WDFY4: variants seen among roughly 807,000 people sequenced by gnomAD.
WDFY4 encodes WD repeat- and FYVE domain-containing protein 4.
A neutral mutation model predicts 351.9 loss-of-function variants in WDFY4; 169 were observed. The ratio of observed to expected loss-of-function variants is 0.48; its 90% CI spans 0.42 to 0.55. The LOEUF (loss-of-function observed/expected upper bound fraction) is 0.55, where lower values mean the gene tolerates loss of function less well. Among genes scored for constraint, WDFY4 ranks in the 20% least tolerant of loss-of-function variants. The pLI is 0.00. For missense variants in WDFY4, 3,803 were observed against 3,935.6 expected (o/e 0.97, Z 0.90); for synonymous variants, 1,622 against 1,574.6 (o/e 1.03, Z -0.71).
intron 59 of WDFY4, among the ~76,000 whole-genome samples, chr10:48,977,292 G>C (rs1676932412): frequency 6.6e-6 from 1 of 152,132 alleles, no homozygotes; most frequent in Non-Finnish European, 1.5e-5. Context: ...GCTAAAAGGA[G>C]ATATTTGCGT....
At chr10:48,831,425 AT>A (rs1341578404) in intron 38 of WDFY4, among the ~76,000 whole-genome samples, 2 of 152,180 alleles carry the variant, frequency 1.3e-5, no homozygotes, top group Non-Finnish European at 2.9e-5. Flanking sequence ...TGAATTTTTA[AT>A]TTTGTTTTCA....
intron 10 of WDFY4, among the ~76,000 whole-genome samples, chr10:48,734,558 A>G (rs974578779): frequency 2.0e-5 from 3 of 151,568 alleles, no homozygotes; most frequent in African/African-American, 7.3e-5. Context: ...ACATAGACAC[A>G]CCAACATCAT....
At chr10:48,981,613 C>A in intron 61 of WDFY4, 135 bp downstream of exon 61, 1 of 741,774 alleles carries the variant, frequency 1.3e-6, no homozygotes, top group Non-Finnish European at 2.2e-6. Context: ...CCACCAAGCA[C>A]AGGAAGCAGC....
intron 43 of WDFY4, among the ~76,000 whole-genome samples, chr10:48,882,255 C>T (rs1439919536): frequency 6.6e-6 from 1 of 152,192 alleles, no homozygotes; most frequent in Admixed American, 6.5e-5. Flanking sequence ...AGCAGGCTGC[C>T]ACAACACCAC....
At chr10:48,875,024 G>T in intron 41 of WDFY4, 65 bp from the exon 42 acceptor site, 1 of 1,009,950 alleles carries the variant, frequency 9.9e-7, no homozygotes. Flanking sequence ...TGTGGAATTG[G>T]AGGTGAGTGA....
chr10:48,786,824 A>C lies in WDFY4; in HGVS notation c.3762A>C (p.Lys1254Asn). 1 of 1,552,236 alleles carries C rather than the reference A, an allele frequency of 6.4e-7. No homozygotes were observed. Among genetic ancestry groups the C allele is most frequent in the Non-Finnish European group, 8.7e-7 (1 of 1,147,116 alleles). The change falls in exon 20 of 62, where the codon AAA becomes AAC. Residue 1254 changes from lysine to asparagine, a missense_variant. Transcript: ENST00000325239. Reference sequence around the variant, plus strand: ...TGGAAACTCTGGAAGTTATTAACAAACTTGGCCCAAGATATTGTGGTAACT... The same window carrying C: ...TGGAAACTCTGGAAGTTATTAACAACCTTGGCCCAAGATATTGTGGTAACT... ...ISMETLEVIN[K>N]LGPRYCGNFQ...
intron 59 of WDFY4, 31 bp downstream of exon 59, chr10:48,977,010 G>A (rs76424580): frequency 0.018 from 23,695 of 1,325,676 alleles, 407 homozygotes; most frequent in South Asian, 0.078. Flanking sequence ...ATGAGGACAT[G>A]ACACAAGAAA....
chr10:48,970,268 G>C lies in WDFY4; in HGVS notation c.8907G>C (p.Pro2969=). 1.3e-6 allele frequency: 2 copies of C among 1,551,212 alleles called. No homozygotes were observed. The highest frequency in any genetic ancestry group is 1.7e-6 in the Non-Finnish European group (2 of 1,146,992). ...VWELSMTKGR[P]RGLRLRQALY... Reference sequence around the variant, plus strand: ...AGCTCAGCATGACCAAAGGCCGCCCGAGGGGCTTGCGCCTCCGGCAGGTAT... The same window carrying C: ...AGCTCAGCATGACCAAAGGCCGCCCCAGGGGCTTGCGCCTCCGGCAGGTAT... The change falls in exon 57 of 62, where the codon CCG becomes CCC. Residue 2969 remains proline (P), a synonymous_variant. Transcript: ENST00000325239.
chr10:48,981,584 T>TGGAG, intron 61 of WDFY4, 106 bp downstream of exon 61: 1 of 1,018,852 alleles, frequency 9.8e-7, no homozygotes, highest in Non-Finnish European at 1.5e-6. Context: ...AGGAGGCCAC[T>TGGAG]TCACTCCAGG....
chr10:48,772,202 A>T (rs1015609968), intron 13 of WDFY4, among the ~76,000 whole-genome samples: 34 of 152,224 alleles, frequency 2.2e-4, no homozygotes, highest in African/African-American at 7.7e-4. Context: ...GCAGGGAAAG[A>T]GCTGAAGGAG....
intron 19 of WDFY4, 140 bp downstream of exon 19, chr10:48,780,259 T>C: frequency 1.8e-6 from 2 of 1,128,298 alleles, no homozygotes; most frequent in Non-Finnish European, 1.2e-6. Context: ...TCTAATGAAA[T>C]CTGCCTTACT....
chr10:48,793,965 A>G (rs561296774), intron 23 of WDFY4, among the ~76,000 whole-genome samples: 1 of 152,308 alleles, frequency 6.6e-6, no homozygotes, highest in South Asian at 2.1e-4. Context: ...TGTTCTTAAT[A>G]TGGGGAAAGA....
At chr10:48,782,532 G>T (rs1427748357) in intron 19 of WDFY4, among the ~76,000 whole-genome samples, 3 of 152,198 alleles carry the variant, frequency 2.0e-5, no homozygotes, top group African/African-American at 7.2e-5. Context: ...GGTCAGGAGT[G>T]GTGTGTTGCT....
intron 15 of WDFY4, 78 bp from the exon 16 acceptor site, chr10:48,776,672 T>TA (rs2066041031): frequency 3.0e-6 from 4 of 1,317,854 alleles, no homozygotes; most frequent in Admixed American, 5.6e-5. Context: ...CTGCGGCAGA[T>TA]ACTTTGGGGT....
intron 48 of WDFY4, among the ~76,000 whole-genome samples, chr10:48,942,976 A>G (rs1840857331): frequency 6.6e-6 from 1 of 152,176 alleles, no homozygotes; most frequent in Admixed American, 6.5e-5. Flanking sequence ...TCTAACCATC[A>G]ATAGGTCAGC....
At chr10:48,803,208 A>C in intron 24 of WDFY4, 78 bp from the exon 25 acceptor site, 2 of 1,398,892 alleles carry the variant, frequency 1.4e-6, no homozygotes, top group Non-Finnish European at 2.0e-6. Flanking sequence ...CCTGTCCAGC[A>C]CTGACCTTCT....
Position 48,873,502 on chromosome 10 carries a change from T to C in WDFY4, c.6753T>C (p.Cys2251=). 1 of 1,549,206 alleles carries C rather than the reference T, an allele frequency of 6.5e-7. No homozygotes were observed. Among genetic ancestry groups the C allele is most frequent in the South Asian group, 1.2e-5 (1 of 83,858 alleles). Reference sequence around the variant, plus strand: ...TTTCTGCTCCCCAGAGGCGAAAATGTGGCAACATCAAGGCAGCCAACGCCT... The same window carrying C: ...TTTCTGCTCCCCAGAGGCGAAAATGCGGCAACATCAAGGCAGCCAACGCCT... ...LYKDHVQRRK[C]GNIKAANAWA... is the part of the protein sequence containing the mutation. Residue 2251 remains cysteine, a synonymous_variant, in exon 41 of 62, where the codon TGT becomes TGC. Coordinates refer to ENST00000325239, the MANE Select transcript of WDFY4 (RefSeq NM_001394531.1).
At chr10:48,777,571 T>G (rs2066075073) in intron 17 of WDFY4, 76 bp downstream of exon 17, 1 of 1,366,208 alleles carries the variant, frequency 7.3e-7, no homozygotes, top group African/African-American at 1.4e-5. Context: ...TGATTGCAGA[T>G]TTTTACTTGG....
At chr10:48,847,964 A>C (rs750886058) in intron 39 of WDFY4, among the ~76,000 whole-genome samples, 1 of 152,184 alleles carries the variant, frequency 6.6e-6, no homozygotes, top group Non-Finnish European at 1.5e-5. Context: ...GTTGTTTGTC[A>C]TTATAGCTGG....
Sources: allele counts gnomAD v4.1 joint callset (sites outside exome capture counted in the v4.1 genomes callset), GRCh38; gene constraint gnomAD v4.1.1; transcripts MANE v1.5; gene names NCBI Gene and HGNC (gene_info 2026-07-23, HGNC 2026-07-21).